The following UGT1A7 variants were observed in gnomAD, a reference collection of about 807,000 sequenced individuals.
The protein encoded by UGT1A7 is UDP-glucuronosyltransferase 1A7.
A neutral mutation model predicts 45.6 loss-of-function variants in UGT1A7; 33 were observed. The ratio of observed to expected loss-of-function variants is 0.72; its 90% confidence interval spans 0.55 to 0.97. UGT1A7 has a LOEUF of 0.97. UGT1A7 is among the 50% of genes least tolerant of loss of function. The pLI is 0.00. For synonymous variants in UGT1A7, 274 were observed against 250.6 expected (o/e 1.09, Z -0.88); for missense variants, 684 against 666.2 (o/e 1.03, Z -0.29).
intron 1 of UGT1A7, chr2:233,747,296 G>A: frequency 6.2e-7 from 1 of 1,602,124 alleles, no homozygotes; most frequent in South Asian, 1.1e-5. Flanking sequence ...TGGGCTGAGA[G>A]TGGGAAGGTG....
At chr2:233,747,606 C>T (rs1358183781) in intron 1 of UGT1A7, 1 of 1,574,604 alleles carries the variant, frequency 6.4e-7, no homozygotes, top group Admixed American at 1.7e-5. Flanking sequence ...TGTGGAGCTA[C>T]TGCATAATGA....
intron 1 of UGT1A7, among the ~76,000 whole-genome samples, chr2:233,733,093 A>C (rs1291548117): frequency 1.3e-5 from 2 of 152,138 alleles, no homozygotes; most frequent in Non-Finnish European, 2.9e-5. Flanking sequence ...GAGTTCACTC[A>C]TGGTTTGGCT....
At chr2:233,690,658 C>A in intron 1 of UGT1A7, 1 of 1,280,632 alleles carries the variant, frequency 7.8e-7, no homozygotes, top group Admixed American at 2.4e-5. Context: ...CCTACAGCAC[C>A]AACCAGGGCA....
chr2:233,715,863 T>C (rs1183803231), intron 1 of UGT1A7, among the ~76,000 whole-genome samples: 2 of 152,198 alleles, frequency 1.3e-5, no homozygotes, highest in Non-Finnish European at 2.9e-5. Flanking sequence ...CTGGGTGCAG[T>C]AGCTTGTGCC....
chr2:233,730,127 C>G (rs2077990319), intron 1 of UGT1A7: 1 of 1,540,256 alleles, frequency 6.5e-7, no homozygotes, highest in East Asian at 2.4e-5. Context: ...GTCATAATAG[C>G]CTTCAGTGAG....
chr2:233,720,732 G>A (rs1210720927), intron 1 of UGT1A7, among the ~76,000 whole-genome samples: 3 of 146,212 alleles, frequency 2.1e-5, no homozygotes, highest in African/African-American at 7.6e-5. Context: ...TTGAGACTGA[G>A]CCTCGTTCTG....
chr2:233,763,240 C>T (rs1698267751), intron 1 of UGT1A7, among the ~76,000 whole-genome samples: 1 of 152,140 alleles, frequency 6.6e-6, no homozygotes, highest in African/African-American at 2.4e-5. Flanking sequence ...TAAATTGTAC[C>T]TTTTAGTAAC....
chr2:233,747,283 C>A (rs1693610010), intron 1 of UGT1A7: 1 of 1,600,180 alleles, frequency 6.2e-7, no homozygotes, highest in Admixed American at 1.7e-5. Flanking sequence ...CAGTGCCCAG[C>A]CCTGGGCTGA....
intron 1 of UGT1A7, among the ~76,000 whole-genome samples, chr2:233,704,855 C>A (rs1453613831): frequency 6.6e-6 from 1 of 152,046 alleles, no homozygotes; most frequent in African/African-American, 2.4e-5. Flanking sequence ...AGAATAGGGC[C>A]GGGCACGGTG....
chr2:233,713,648 C>T (rs17863790), intron 1 of UGT1A7: 157,940 of 1,613,756 alleles, frequency 0.098, 8,753 homozygotes, highest in South Asian at 0.2. Flanking sequence ...ACCCTCTGGC[C>T]CTGTCCTACC....
chr2:233,772,713 T>G lies in UGT1A7; in HGVS notation c.*154T>G. ...GAGTGCTTTAAAAAATTCTCTTAAA[T>G]AAAAATAATAGACTCGCTAGTCAGT... On this transcript the variant is annotated 3_prime_UTR_variant, in exon 5 of 5. Transcript: ENST00000373426. The G allele has an allele frequency of 6.8e-7, 1 of 1,465,268 alleles. No individual in the cohort carries two copies. Among genetic ancestry groups the G allele is most frequent in the Non-Finnish European group, 9.0e-7 (1 of 1,113,920 alleles). 90.8% of individuals were successfully genotyped at this position (1,465,268 alleles called of 1,614,324 possible).
At chr2:233,754,129 A>C (rs1290911546) in intron 1 of UGT1A7, among the ~76,000 whole-genome samples, 1 of 152,214 alleles carries the variant, frequency 6.6e-6, no homozygotes, top group African/African-American at 2.4e-5. Context: ...TTTATGTGCA[A>C]TTAAAAGCCA....
chr2:233,755,461 C>T, intron 1 of UGT1A7: 1 of 282,900 alleles, frequency 3.5e-6, no homozygotes, highest in Non-Finnish European at 6.9e-6. Context: ...ACTGGCCCTG[C>T]TCTCTGTGAG....
chr2:233,695,400 A>G (rs2075285150), intron 1 of UGT1A7, among the ~76,000 whole-genome samples: 1 of 149,876 alleles, frequency 6.7e-6, no homozygotes, highest in African/African-American at 2.5e-5. Context: ...CTGGGATTAC[A>G]GGCGTGAGCT....
At chr2:233,738,596 A>G (rs545904932) in intron 1 of UGT1A7, among the ~76,000 whole-genome samples, 1 of 152,336 alleles carries the variant, frequency 6.6e-6, no homozygotes, top group East Asian at 1.9e-4. Flanking sequence ...CACTCTTGCT[A>G]AGCTTTAGCA....
chr2:233,684,896 A>G (rs950452204), intron 1 of UGT1A7, among the ~76,000 whole-genome samples: 4 of 152,178 alleles, frequency 2.6e-5, no homozygotes, highest in African/African-American at 9.7e-5. Flanking sequence ...TTGGAAAAGT[A>G]TACAGTTTTT....
chr2:233,713,067 G>A (rs750927090), intron 1 of UGT1A7: 1 of 1,614,158 alleles, frequency 6.2e-7, no homozygotes, highest in Non-Finnish European at 8.5e-7. Flanking sequence ...CCAGCCCTGG[G>A]CTGAGAGTGG....
chr2:233,726,536 A>G (rs956435699), intron 1 of UGT1A7, among the ~76,000 whole-genome samples: 1 of 152,196 alleles, frequency 6.6e-6, no homozygotes, highest in African/African-American at 2.4e-5. Flanking sequence ...AGGGAGATGC[A>G]GTGCAGCGTC....
At chr2:233,719,812 CA>C in intron 1 of UGT1A7, 1 of 1,587,558 alleles carries the variant, frequency 6.3e-7, no homozygotes, top group Non-Finnish European at 8.6e-7. Context: ...TTCTTTATAA[CA>C]GATAAACTGT....
Sources: allele counts gnomAD v4.1 joint callset (sites outside exome capture counted in the v4.1 genomes callset), GRCh38; gene constraint gnomAD v4.1.1; transcripts MANE v1.5; gene names NCBI Gene and HGNC (gene_info 2026-07-23, HGNC 2026-07-21).